CLEC10A: variants seen among roughly 807,000 people sequenced by gnomAD.
CLEC10A encodes the protein C-type lectin domain containing 10A.
A neutral mutation model predicts 42.0 loss-of-function variants in CLEC10A; 38 were observed. The observed-to-expected ratio is 0.90, with a 90% confidence interval of 0.70 to 1.18. The LOEUF (loss-of-function observed/expected upper bound fraction) is 1.18. Among genes scored for constraint, CLEC10A ranks in the 50% most tolerant of loss-of-function variants. CLEC10A has a pLI of 0.00. For synonymous variants in CLEC10A, 126 were observed against 139.9 expected, an observed-to-expected ratio of 0.90 and a Z score of 0.70; for missense variants, 298 against 345.9, an observed-to-expected ratio of 0.86 and a Z score of 1.10.
chr17:7,079,436 A>G (rs1912050569), intron 1 of CLEC10A, among the ~76,000 whole-genome samples: 1 of 152,074 alleles, frequency 6.6e-6, no homozygotes, highest in Admixed American at 6.5e-5. Flanking sequence ...TACAAAAATT[A>G]GCTGGGTGTG....
chr17:7,074,711 G>A lies in CLEC10A; in HGVS notation c.*343C>T, dbSNP rs780084501. 9 of 175,572 alleles carry A rather than the reference G, an allele frequency of 5.1e-5. No individual in the cohort carries two copies. Among genetic ancestry groups the A allele is most frequent in the Non-Finnish European group, 8.3e-5 (7 of 84,266 alleles). 10.9% of individuals were successfully genotyped at this position (175,572 alleles called of 1,614,324 possible). The stretch of plus-strand genomic sequence containing the variant: ...TGGTTGGACTGCCCAGAGGCATGAG[G>A]GGACTGGTGGGGGCGATGGCAATGT... On this transcript the variant is annotated 3_prime_UTR_variant, in exon 9 of 9. Transcript: ENST00000416562.
At chr17:7,075,653 T>A in intron 7 of CLEC10A, 78 bp downstream of exon 7, 1 of 1,604,636 alleles carries the variant, frequency 6.2e-7, no homozygotes, top group East Asian at 2.2e-5. Flanking sequence ...TCCCAGATGA[T>A]TCCAATGTGC....
chr17:7,076,130 G>A (rs770673965), intron 5 of CLEC10A, 59 bp from the exon 6 acceptor site: 2 of 1,614,014 alleles, frequency 1.2e-6, no homozygotes, highest in South Asian at 1.1e-5. Context: ...TCTGCGTAGT[G>A]TGTTCCTGGA....
At position 7,076,981 on chromosome 17, in the gene CLEC10A, T is replaced by C. The variant is rs751242964; in HGVS notation, c.191A>G (p.Lys64Arg). 2 of 1,612,562 alleles carry C rather than the reference T, an allele frequency of 1.2e-6. No individual in the cohort carries two copies. Among genetic ancestry groups the C allele is most frequent in the Non-Finnish European group, 1.7e-6 (2 of 1,178,826 alleles). ...IICVVGFQNS[K>R]FQRDLVTLRT... ...CAGGGTCACCAGGTCCCTCTGAAAT[T>C]TGGAATCTAAACAGGTGGATGGGAA... The change falls in exon 4 of 9, where the codon AAA (lysine) becomes AGA (arginine). Residue 64 changes from lysine (K) to arginine (R), a missense_variant. By Grantham distance (26) the Lys-to-Arg change is conservative. Coordinates refer to ENST00000416562, the MANE Select transcript of CLEC10A (RefSeq NM_001330070.2).
chr17:7,076,705 C>T (rs1376395026), intron 5 of CLEC10A, 28 bp downstream of exon 5: 1 of 1,612,438 alleles, frequency 6.2e-7, no homozygotes, highest in South Asian at 1.1e-5. Context: ...GCCTAGCCCC[C>T]CACACCCATA....
chr17:7,075,001 G>C lies in CLEC10A; in HGVS notation c.*53C>G, dbSNP rs78425351. 7.0e-7 allele frequency: 1 copy of C among 1,431,540 alleles called. No individual in the cohort carries two copies. The highest frequency in any genetic ancestry group is 1.5e-5 in the African/African-American group (1 of 67,838). The allele number at this position is 1,431,540 out of a possible 1,614,324, so 88.7% of individuals were successfully genotyped here. ...CGGTCTTGCGAGGAGGTCGTGAGAA[G>C]AGTCCTCCTCCCACCGCCATTTCTG... On this transcript the variant is annotated 3_prime_UTR_variant, in exon 9 of 9. Transcript: ENST00000416562.
intron 8 of CLEC10A, 27 bp from the exon 9 acceptor site, chr17:7,075,249 A>C: frequency 6.6e-7 from 1 of 1,516,856 alleles, no homozygotes; most frequent in Non-Finnish European, 8.8e-7. Context: ...ACAGCAAGCT[A>C]GGAAGGGTAG....
chr17:7,079,667 C>CT (rs1481496556), intron 1 of CLEC10A, among the ~76,000 whole-genome samples: 1 of 152,038 alleles, frequency 6.6e-6, no homozygotes, highest in Non-Finnish European at 1.5e-5. Flanking sequence ...TGGAAATGGG[C>CT]CACCAATGAG....
In CLEC10A at chr17:7,077,070, G is replaced by A. The variant is rs774733910; in HGVS notation, c.185-83C>T. 1.6e-3 allele frequency: 1,480 copies of A among 949,768 alleles called. 13 individuals are homozygous for A. Among genetic ancestry groups the A allele is most frequent in the Middle Eastern group, 3.7e-3 (16 of 4,274 alleles). 58.8% of individuals were successfully genotyped at this position (949,768 alleles called of 1,614,324 possible). ...CCGAGCAGGGCCCTCCATAAGCATTGCCTTATTGGGTCCTCACGGCAACCC... is the reference window on the plus strand; with the variant it reads ...CCGAGCAGGGCCCTCCATAAGCATTACCTTATTGGGTCCTCACGGCAACCC... On this transcript the variant is annotated intron_variant, in intron 3 of 8. Coordinates refer to ENST00000416562, the MANE Select transcript of CLEC10A (RefSeq NM_001330070.2).
rs1437393170 is a variant in CLEC10A at position 7,076,884 on chromosome 17, A to G, written c.280+8T>C. 6.2e-7 allele frequency: 1 copy of G among 1,613,698 alleles called. No homozygotes were observed. The highest frequency in any genetic ancestry group is 1.3e-5 in the African/African-American group (1 of 74,836). Reference sequence around the variant, plus strand: ...CCCAGCCCAGAGCCCCATCCAAACCAGACTCACCCTGGGAAGTCAGTGCCT... The same window carrying G: ...CCCAGCCCAGAGCCCCATCCAAACCGGACTCACCCTGGGAAGTCAGTGCCT... On this transcript the variant is annotated splice_region_variant and intron_variant, in intron 4 of 8. Coordinates refer to ENST00000416562, the MANE Select transcript of CLEC10A (RefSeq NM_001330070.2).
At position 7,075,350 on chromosome 17, in the gene CLEC10A, G is replaced by A; in HGVS notation, c.701+10C>T. 1.3e-6 allele frequency: 2 copies of A among 1,514,464 alleles called. No homozygotes were observed. Among genetic ancestry groups the A allele is most frequent in the South Asian group, 2.7e-5 (2 of 73,838 alleles). The allele number at this position is 1,514,464 out of a possible 1,614,324, so 93.8% of individuals were successfully genotyped here. A position where few individuals can be genotyped will look rare whatever the true frequency, so the allele number is the denominator to read the frequency against. ...GAGGACATTGGCACAGAAAGCCAGG[G>A]TGCACTCACTGGAAGCCGGTCGCAT... On this transcript the variant is annotated intron_variant, in intron 8 of 8. Transcript: ENST00000416562.
At position 7,076,607 on chromosome 17, in the gene CLEC10A, C is replaced by T. The variant is rs111984474; in HGVS notation, c.352+126G>A. ...GATTACAGGCGTGAACCACTGCGCC[C>T]GGCCTGCATGCTGCCTTTCAAGCTG... On this transcript the variant is annotated intron_variant, in intron 5 of 8. Transcript: ENST00000416562. 3,223 of 1,094,080 alleles carry T rather than the reference C, an allele frequency of 2.9e-3. 56 individuals carry two copies. The African/African-American group carries it at 0.043, about 15-fold the overall frequency. 67.8% of individuals were successfully genotyped at this position (1,094,080 alleles called of 1,614,324 possible). A position where few individuals can be genotyped will look rare whatever the true frequency, so the allele number is the denominator to read the frequency against.
intron 5 of CLEC10A, 42 bp from the exon 6 acceptor site, chr17:7,076,113 T>C (rs1283365726): frequency 6.2e-7 from 1 of 1,614,022 alleles, no homozygotes. Flanking sequence ...GTGGCCTAGG[T>C]GTGCCTTCTG....
At chr17:7,076,436 T>C (rs928574163) in intron 5 of CLEC10A, among the ~76,000 whole-genome samples, 2 of 149,640 alleles carry the variant, frequency 1.3e-5, no homozygotes, top group Non-Finnish European at 3.0e-5. Flanking sequence ...TCAGCCTCCC[T>C]AGTAGCTGAG....
rs78714016 is a variant in CLEC10A, at chr17:7,078,084, G to T, written c.97C>A (p.Arg33Ser). 6.2e-6 allele frequency: 10 copies of T among 1,613,650 alleles called. No individual in the cohort carries two copies. The highest frequency in any genetic ancestry group is 6.8e-6 in the Non-Finnish European group (8 of 1,179,710). Residue 33 changes from arginine (R) to serine (S), a missense_variant, in exon 3 of 9, where the codon CGT (arginine) becomes AGT (serine). By Grantham distance (110) the Arg-to-Ser change is moderately radical. Transcript: ENST00000416562. The stretch of plus-strand genomic sequence containing the variant: ...AGATGGCAGGGCCCAGAGCAGAGAC[G>T]CTGCAGGAGGGACTGGAGAGGAAGT... Reference protein sequence around the residue: ...GPLPLQSLLQRLCSGPCHLLL... With the variant: ...GPLPLQSLLQSLCSGPCHLLL...
rs956941840 is a variant in CLEC10A at position 7,078,057 on chromosome 17, GGAGATGGCAGGGCCCAGAGCA to G, written c.103_123del (p.Cys35_Leu41del). On this transcript the variant is annotated inframe_deletion, in exon 3 of 9. Coordinates refer to ENST00000416562, the MANE Select transcript of CLEC10A (RefSeq NM_001330070.2). ...AGGAGGCCGAGGCCCAGGGACAGCA[GGAGATGGCAGGGCCCAGAGCA>G]GAGACGCTGCAGGAGGGACTGGAGA... is the stretch of plus-strand genomic sequence containing the variant. 2 of 1,613,926 alleles carry G rather than the reference GGAGATGGCAGGGCCCAGAGCA, an allele frequency of 1.2e-6. No homozygotes were observed. The highest frequency in any genetic ancestry group is 2.7e-5 in the African/African-American group (2 of 74,900).
intron 3 of CLEC10A, 152 bp downstream of exon 3, chr17:7,077,845 T>C: frequency 1.6e-6 from 1 of 621,786 alleles, no homozygotes; most frequent in East Asian, 2.8e-5. Flanking sequence ...CCATGCCCCA[T>C]TGTTATCTCC....
chr17:7,076,899 A>T lies in CLEC10A; in HGVS notation c.273T>A (p.Thr91=), dbSNP rs748707911. Reference sequence around the variant, plus strand: ...CATCCAAACCAGACTCACCCTGGGAAGTCAGTGCCTGGATCTCCGCCACAG... The same window carrying T: ...CATCCAAACCAGACTCACCCTGGGATGTCAGTGCCTGGATCTCCGCCACAG... ...SNTVAEIQAL[T]SQGSSLEETI... Residue 91 remains threonine (T), a synonymous_variant, in exon 4 of 9, where the codon ACT becomes ACA. Coordinates refer to ENST00000416562, the MANE Select transcript of CLEC10A (RefSeq NM_001330070.2). The T allele has an allele frequency of 1.5e-5, 25 of 1,613,892 alleles. No individual in the cohort carries two copies.
At chr17:7,078,926 A>G in intron 1 of CLEC10A, 41 bp from the exon 2 acceptor site, 1 of 919,778 alleles carries the variant, frequency 1.1e-6, no homozygotes, top group Non-Finnish European at 1.8e-6. Context: ...AGCCAAGGGC[A>G]GGGCTGACGT....
Sources: gnomAD v4.1 joint callset for allele counts (sites outside exome capture counted in the v4.1 genomes callset) on GRCh38, gnomAD v4.1.1 for gene constraint, MANE v1.5 for transcripts, NCBI Gene and HGNC (gene_info 2026-07-23, HGNC 2026-07-21) for gene names.